CTNND2: variants seen among roughly 807,000 people sequenced by gnomAD.
CTNND2 encodes catenin delta 2, also known as catenin delta-2.
CTNND2 carries 22 observed loss-of-function variants against 144.4 expected under a neutral mutation model. The ratio of observed to expected loss-of-function variants is 0.15; its 90% CI spans 0.11 to 0.22. CTNND2 has a LOEUF of 0.22. CTNND2 is among the 10% of genes least tolerant of loss of function. CTNND2 has a pLI of 1.00. For synonymous variants in CTNND2, 751 were observed against 695.6 expected (o/e 1.08, Z -1.25); for missense variants, 1,353 against 1,618.8 (o/e 0.84, Z 2.82).
chr5:11,541,676 A>T (rs1038854711), intron 3 of CTNND2, among the ~76,000 whole-genome samples: 1 of 152,204 alleles, frequency 6.6e-6, no homozygotes, highest in African/African-American at 2.4e-5. Flanking sequence ...GAACATTTAG[A>T]TAAGACATCT....
At chr5:11,024,281 T>C (rs1041899109) in intron 16 of CTNND2, among the ~76,000 whole-genome samples, 2 of 152,206 alleles carry the variant, frequency 1.3e-5, no homozygotes, top group Non-Finnish European at 2.9e-5. Context: ...ATACTTAAAT[T>C]ACTGAAATAG....
intron 2 of CTNND2, among the ~76,000 whole-genome samples, chr5:11,723,504 A>G (rs1417467131): frequency 6.6e-6 from 1 of 152,242 alleles, no homozygotes; most frequent in Non-Finnish European, 1.5e-5. Context: ...GCATATGATC[A>G]ATGTAACACT....
At chr5:11,457,279 C>T (rs536131005) in intron 3 of CTNND2, among the ~76,000 whole-genome samples, 118 of 152,106 alleles carry the variant, frequency 7.8e-4, no homozygotes, top group Non-Finnish European at 1.5e-3. Flanking sequence ...TGGTGCATGC[C>T]TGTAGTCCCA....
intron 9 of CTNND2, among the ~76,000 whole-genome samples, chr5:11,302,136 T>C (rs185211720): frequency 2.6e-5 from 4 of 152,330 alleles, no homozygotes; most frequent in Admixed American, 6.5e-5. Context: ...AATTAATTGA[T>C]ATCTGCCCTC....
intron 3 of CTNND2, among the ~76,000 whole-genome samples, chr5:11,548,290 A>G (rs1203971018): frequency 2.0e-5 from 3 of 152,220 alleles, no homozygotes; most frequent in African/African-American, 7.2e-5. Flanking sequence ...TGGAAGAGAG[A>G]CAATGAGGAG....
In CTNND2 at chr5:11,634,181, G is replaced by C. The variant is rs1040585742; in HGVS notation, c.175-69125C>G. 5.3e-5 allele frequency among the ~76,000 whole-genome samples: 8 copies of C among 152,178 alleles called. No homozygotes were observed. The East Asian group carries it at 1.5e-3, about 29-fold the overall frequency. ...ACCGACTATATACTCATCAGAAAGA[G>C]AGAACTTTACCCTTTTCTTTGTCTG... is the stretch of plus-strand genomic sequence containing the variant. On this transcript the variant is annotated intron_variant, in intron 2 of 21. Coordinates refer to ENST00000304623, the MANE Select transcript of CTNND2 (RefSeq NM_001332.4).
intron 9 of CTNND2, among the ~76,000 whole-genome samples, chr5:11,276,381 C>T (rs1295569328): frequency 6.6e-6 from 1 of 152,194 alleles, no homozygotes; most frequent in African/African-American, 2.4e-5. Flanking sequence ...TTGAAGCACT[C>T]TCTTCTGAAA....
chr5:11,639,855 T>C (rs989353295), intron 2 of CTNND2, among the ~76,000 whole-genome samples: 1 of 152,228 alleles, frequency 6.6e-6, no homozygotes, highest in African/African-American at 2.4e-5. Context: ...AATGAATTAT[T>C]ACCTATGATG....
At chr5:11,817,772 A>G (rs1050193121) in intron 1 of CTNND2, among the ~76,000 whole-genome samples, 7 of 152,128 alleles carry the variant, frequency 4.6e-5, no homozygotes, top group African/African-American at 2.4e-5. Context: ...GTTCAGCTCA[A>G]TCAGGGCTCA....
intron 2 of CTNND2, among the ~76,000 whole-genome samples, chr5:11,604,231 A>T (rs1424768858): frequency 2.6e-5 from 4 of 152,230 alleles, no homozygotes; most frequent in Non-Finnish European, 5.9e-5. Context: ...TGTTTCATTT[A>T]TGCAGCAATG....
At chr5:11,625,619 C>T (rs1781116388) in intron 2 of CTNND2, among the ~76,000 whole-genome samples, 2 of 152,042 alleles carry the variant, frequency 1.3e-5, no homozygotes, top group Admixed American at 1.3e-4. Context: ...TATTGCAATT[C>T]ATCAAAATTA....
chr5:11,374,457 T>C (rs1056565852), intron 7 of CTNND2, among the ~76,000 whole-genome samples: 5 of 151,838 alleles, frequency 3.3e-5, no homozygotes, highest in African/African-American at 1.2e-4. Context: ...CTAGGAGGAG[T>C]GGGCCCAGAG....
intron 2 of CTNND2, among the ~76,000 whole-genome samples, chr5:11,597,212 G>A (rs1182716238): frequency 1.3e-5 from 2 of 152,092 alleles, no homozygotes; most frequent in East Asian, 1.9e-4. Flanking sequence ...CTCTATTTCC[G>A]AACAGTGCCT....
intron 11 of CTNND2, among the ~76,000 whole-genome samples, chr5:11,193,134 G>C (rs1293814103): frequency 6.6e-6 from 1 of 152,196 alleles, no homozygotes; most frequent in East Asian, 1.9e-4. Flanking sequence ...GCCCCATAGA[G>C]GCACAAGAAT....
At position 11,564,986 on chromosome 5, in the gene CTNND2, C is replaced by A. The variant is rs1445784718; in HGVS notation, c.245G>T (p.Arg82Leu). The A allele has an allele frequency of 1.2e-6, 2 of 1,613,968 alleles. No homozygotes were observed. The highest frequency in any genetic ancestry group is 4.5e-5 in the East Asian group (2 of 44,864). Residue 82 changes from arginine to leucine, a missense_variant, in exon 3 of 22, where the codon CGA (arginine) becomes CTA (leucine). Physicochemically the swap from Arg to Leu is moderately radical, Grantham distance 102. Around this residue, in one of 4 missense-constraint regions of CTNND2, gnomAD observed 708 missense variants for 706.4 expected, o/e 1.00. Transcript: ENST00000304623. ...ERQIVASQLE[R>L]CKLGSETGSM... Reference sequence around the variant, plus strand: ...GCCAGTCTCGGATCCGAGCTTGCATCGCTCCAGCTGGCTGGCTACGATCTG... The same window carrying A: ...GCCAGTCTCGGATCCGAGCTTGCATAGCTCCAGCTGGCTGGCTACGATCTG...
At chr5:11,018,544 C>A (rs369676095) in intron 17 of CTNND2, among the ~76,000 whole-genome samples, 80 of 152,212 alleles carry the variant, frequency 5.3e-4, no homozygotes, top group African/African-American at 1.5e-3. Flanking sequence ...AGGAAAAGTT[C>A]TTGAAGAAAA....
chr5:11,901,312 A>T (rs888016697), intron 1 of CTNND2, among the ~76,000 whole-genome samples: 4 of 152,248 alleles, frequency 2.6e-5, no homozygotes, highest in African/African-American at 9.6e-5. Context: ...TGCATATTCA[A>T]CTAAATGCCA....
intron 1 of CTNND2, among the ~76,000 whole-genome samples, chr5:11,856,417 G>A (rs1185497048): frequency 5.3e-5 from 8 of 152,066 alleles, no homozygotes; most frequent in Admixed American, 5.2e-4. Flanking sequence ...TCAGCACAAA[G>A]TTGCTGAAGC....
At position 11,397,209 on chromosome 5, in the gene CTNND2, T is replaced by C; in HGVS notation, c.440-6A>G. ...CTGGGAGAGCAGGCTGGGCCCTGCA[T>C]TGAAAGTCATTTAGAGCAGTCAGTG... On this transcript the variant is annotated splice_polypyrimidine_tract_variant and splice_region_variant and intron_variant, in intron 5 of 21. Coordinates refer to ENST00000304623, the MANE Select transcript of CTNND2 (RefSeq NM_001332.4). 2 of 1,613,266 alleles carry C rather than the reference T, an allele frequency of 1.2e-6. No individual in the cohort carries two copies. The highest frequency in any genetic ancestry group is 1.1e-5 in the South Asian group (1 of 91,026).
Sources: gnomAD v4.1 joint callset for allele counts (sites outside exome capture counted in the v4.1 genomes callset) on GRCh38, gnomAD v4.1.1 for gene constraint, gnomAD v4.1.1 regional missense constraint, MANE v1.5 for transcripts, NCBI Gene and HGNC (gene_info 2026-07-23, HGNC 2026-07-21) for gene names.